PPP3CB: variants seen among roughly 807,000 people sequenced by gnomAD.
PPP3CB encodes the protein protein phosphatase 3 catalytic subunit beta.
In PPP3CB, 8 loss-of-function variants were observed where a neutral mutation model predicts 66.4. The observed-to-expected ratio is 0.12, with a 90% confidence interval of 0.07 to 0.22. The LOEUF (loss-of-function observed/expected upper bound fraction) is 0.22. PPP3CB is among the 10% of genes least tolerant of loss of function. PPP3CB has a pLI of 1.00. For synonymous variants in PPP3CB, 208 were observed against 221.2 expected (o/e 0.94, Z 0.53); for missense variants, 319 against 642.5 (o/e 0.50, Z 5.44).
chr10:73,478,652 A>G (rs775950670), intron 2 of PPP3CB, 29 bp from the exon 3 acceptor site: 19 of 1,589,300 alleles, frequency 1.2e-5, no homozygotes, highest in African/African-American at 5.4e-5. Context: ...TAGATAAGGG[A>G]AAAAAATCTC....
chr10:73,456,297 A>T (rs1327108394), intron 9 of PPP3CB, among the ~76,000 whole-genome samples: 5 of 152,254 alleles, frequency 3.3e-5, no homozygotes, highest in Non-Finnish European at 5.9e-5. Flanking sequence ...TTAAATATCA[A>T]CTGCAAAAGG....
chr10:73,495,132 A>G (rs986459042), intron 1 of PPP3CB, among the ~76,000 whole-genome samples: 1 of 152,330 alleles, frequency 6.6e-6, no homozygotes, highest in East Asian at 1.9e-4. Flanking sequence ...TGGTTTTCTA[A>G]GTAAATACTT....
chr10:73,484,729 CTAA>C (rs1051050757), intron 1 of PPP3CB, among the ~76,000 whole-genome samples: 15 of 152,088 alleles, frequency 9.9e-5, no homozygotes, highest in Admixed American at 2.6e-4. Flanking sequence ...ACTGAAATGG[CTAA>C]TAATATTTGT....
At chr10:73,469,135 G>A (rs2056664608) in intron 8 of PPP3CB, among the ~76,000 whole-genome samples, 1 of 152,192 alleles carries the variant, frequency 6.6e-6, no homozygotes, top group African/African-American at 2.4e-5. Flanking sequence ...CAGTAAGGCA[G>A]TACTCAACTG....
chr10:73,478,644 G>A (rs1432440638), intron 2 of PPP3CB, 21 bp from the exon 3 acceptor site: 2 of 1,595,028 alleles, frequency 1.3e-6, no homozygotes, highest in East Asian at 2.2e-5. Flanking sequence ...AAGATTATTA[G>A]ATAAGGGAAA....
chr10:73,443,338 G>A (rs1325756264), intron 12 of PPP3CB, among the ~76,000 whole-genome samples: 10 of 130,514 alleles, frequency 7.7e-5, no homozygotes, highest in Admixed American at 3.1e-4. Context: ...GAAAAAGAAA[G>A]AGAAGAGAAG....
chr10:73,479,376 T>G lies in PPP3CB; in HGVS notation c.227A>C (p.Glu76Ala). The G allele has an allele frequency of 6.2e-7, 1 of 1,614,132 alleles. No homozygotes were observed. Among genetic ancestry groups the G allele is most frequent in the Non-Finnish European group, 8.5e-7 (1 of 1,180,000 alleles). ...DEEIALRIIN[E>A]GAAILRREKT... ...CTCTCTCCGAAGGATGGCAGCACCC[T>G]CATTGATAATTCTAAGCGCAATTTC... Residue 76 changes from glutamate to alanine, a missense_variant, in exon 2 of 14, where the codon GAG becomes GCG. Physicochemically the swap from Glu to Ala is moderately radical, Grantham distance 107. This residue lies in a region of PPP3CB where 104 missense variants were observed against 128.4 expected (regional missense o/e 0.81). Transcript: ENST00000360663.
At chr10:73,488,024 G>A (rs908629960) in intron 1 of PPP3CB, among the ~76,000 whole-genome samples, 1 of 151,656 alleles carries the variant, frequency 6.6e-6, no homozygotes, top group Non-Finnish European at 1.5e-5. Context: ...CAAGTGATCC[G>A]CCCGCCTCCA....
intron 6 of PPP3CB, 43 bp downstream of exon 6, chr10:73,471,027 G>A (rs2056693864): frequency 6.3e-7 from 1 of 1,598,732 alleles, no homozygotes; most frequent in African/African-American, 1.3e-5. Context: ...CATATGCTAT[G>A]TTAACAACTA....
At chr10:73,484,436 A>G (rs1260239174) in intron 1 of PPP3CB, among the ~76,000 whole-genome samples, 1 of 151,526 alleles carries the variant, frequency 6.6e-6, no homozygotes, top group Non-Finnish European at 1.5e-5. Context: ...ACGCCCAGCT[A>G]ATGTTTTTGT....
chr10:73,458,404 TGG>T (rs1452111459), intron 9 of PPP3CB, among the ~76,000 whole-genome samples: 3 of 152,110 alleles, frequency 2.0e-5, no homozygotes, highest in African/African-American at 7.2e-5. Context: ...CCCAAAATGC[TGG>T]GATTACAGGT....
At chr10:73,474,290 C>T (rs1191815843) in intron 4 of PPP3CB, among the ~76,000 whole-genome samples, 2 of 152,046 alleles carry the variant, frequency 1.3e-5, no homozygotes, top group East Asian at 3.9e-4. Context: ...ATCCACCCGC[C>T]TCGGCCTCCC....
intron 12 of PPP3CB, among the ~76,000 whole-genome samples, chr10:73,442,229 T>C (rs2056161155): frequency 1.3e-5 from 2 of 152,134 alleles, no homozygotes; most frequent in Admixed American, 1.3e-4. Flanking sequence ...AGTAACTTAG[T>C]CCATGCTGAG....
chr10:73,495,311 G>A (rs1296792610), intron 1 of PPP3CB, among the ~76,000 whole-genome samples: 1 of 152,208 alleles, frequency 6.6e-6, no homozygotes, highest in Non-Finnish European at 1.5e-5. Context: ...GAACCCCTGC[G>A]GTTGTCGCCA....
chr10:73,459,044 T>C (rs575601739), intron 9 of PPP3CB, among the ~76,000 whole-genome samples: 2 of 152,054 alleles, frequency 1.3e-5, no homozygotes, highest in South Asian at 2.1e-4. Flanking sequence ...CACCCTAGCA[T>C]GGGCAACAAG....
chr10:73,493,386 C>T (rs1232211496), intron 1 of PPP3CB, among the ~76,000 whole-genome samples: 2 of 152,026 alleles, frequency 1.3e-5, no homozygotes, highest in Non-Finnish European at 2.9e-5. Context: ...ACTACCACCA[C>T]ATTGTGGACT....
At chr10:73,464,589 AG>A (rs1259332640) in intron 9 of PPP3CB, among the ~76,000 whole-genome samples, 1 of 152,194 alleles carries the variant, frequency 6.6e-6, no homozygotes, top group African/African-American at 2.4e-5. Flanking sequence ...ATTTTTCTGA[AG>A]CAAAAGTCCA....
chr10:73,489,669 T>C (rs1179570894), intron 1 of PPP3CB, among the ~76,000 whole-genome samples: 2 of 152,222 alleles, frequency 1.3e-5, no homozygotes, highest in Non-Finnish European at 2.9e-5. Flanking sequence ...CCAGAGCTTG[T>C]GCTTTTAATC....
intron 9 of PPP3CB, among the ~76,000 whole-genome samples, chr10:73,463,117 T>C (rs995642291): frequency 1.3e-5 from 2 of 152,022 alleles, no homozygotes; most frequent in African/African-American, 2.4e-5. Flanking sequence ...ACTCAAAATA[T>C]CCAAGTCATC....
Sources: gnomAD v4.1 joint callset for allele counts (sites outside exome capture counted in the v4.1 genomes callset) on GRCh38, gnomAD v4.1.1 for gene constraint, gnomAD v4.1.1 regional missense constraint, MANE v1.5 for transcripts, NCBI Gene and HGNC (gene_info 2026-07-23, HGNC 2026-07-21) for gene names.